The following KNDC1 variants were observed in gnomAD, a reference collection of about 807,000 sequenced individuals.
KNDC1 encodes kinase non-catalytic C-lobe domain-containing protein 1.
Under a neutral mutation model 172.8 loss-of-function variants are expected in KNDC1, and 106 were observed. That is an observed-to-expected ratio of 0.61 (90% confidence interval 0.52 to 0.72). The LOEUF is 0.72. Ranked by LOEUF, KNDC1 falls within the 30% of genes least tolerant of loss-of-function variation. The pLI is 0.00. For synonymous variants in KNDC1, 1,083 were observed against 1,062.2 expected (o/e 1.02, Z -0.38); for missense variants, 2,325 against 2,394.5 (o/e 0.97, Z 0.61).
At position 133,201,585 on chromosome 10, in the gene KNDC1, T is replaced by C. The variant is rs542373698; in HGVS notation, c.3074T>C (p.Leu1025Pro). 2.7e-5 allele frequency: 43 copies of C among 1,613,030 alleles called. No homozygotes were observed. In the South Asian group the frequency reaches 4.0e-4, roughly 15 times the overall value. The part of the protein sequence containing the change: ...TSVSDVDSDA[L>P]SRGNFEVGFR... ...GTGTCGGATGTGGACTCGGACGCAC[T>C]GTCACGGGGAAACTTCGAGGTGGGG... The change falls in exon 17 of 30, where the codon CTG (leucine) becomes CCG (proline). Residue 1025 changes from leucine (L) to proline (P), a missense_variant. By Grantham distance (98) the Leu-to-Pro change is moderately conservative. Transcript: ENST00000304613.
intron 25 of KNDC1, 50 bp downstream of exon 25, chr10:133,213,777 G>A (rs1362380525): frequency 1.9e-6 from 3 of 1,562,964 alleles, no homozygotes; most frequent in Admixed American, 3.4e-5. Context: ...GGTCTCGGGG[G>A]CTTCCCGTAA....
intron 9 of KNDC1, among the ~76,000 whole-genome samples, chr10:133,195,371 G>A (rs114664708): frequency 0.016 from 2,469 of 152,322 alleles, 80 homozygotes; most frequent in African/African-American, 0.056. Flanking sequence ...TGCTGCCTTC[G>A]TGAGGAGAGT....
chr10:133,199,289 C>A, intron 14 of KNDC1, 23 bp downstream of exon 14: 1 of 1,542,462 alleles, frequency 6.5e-7, no homozygotes, highest in African/African-American at 1.4e-5. Flanking sequence ...CGCAGACGCC[C>A]CAGAGGAGGC....
At chr10:133,168,696 G>A (rs963932762) in intron 3 of KNDC1, among the ~76,000 whole-genome samples, 8 of 152,230 alleles carry the variant, frequency 5.3e-5, no homozygotes, top group East Asian at 3.8e-4. Context: ...AGTGATGATC[G>A]GCAGGGAATC....
Position 133,186,001 on chromosome 10 carries a change from G to T in KNDC1, c.653G>T (p.Arg218Ile), listed in dbSNP as rs1853898902. The T allele has an allele frequency of 2.5e-6, 4 of 1,600,774 alleles. No individual in the cohort carries two copies. Among genetic ancestry groups the T allele is most frequent in the Non-Finnish European group, 3.4e-6 (4 of 1,175,440 alleles). ...QDVSESSWRE[R>I]PAPGNAGPRR... ...GTCAGCGAGAGCAGCTGGCGGGAGAGACCTGCCCCAGGAAACGCTGGGCCC... is the reference window on the plus strand; with the variant it reads ...GTCAGCGAGAGCAGCTGGCGGGAGATACCTGCCCCAGGAAACGCTGGGCCC... Residue 218 changes from arginine to isoleucine, a missense_variant, in exon 6 of 30, where the codon AGA (arginine) becomes ATA (isoleucine). Arg to Ile is a moderately conservative substitution (Grantham distance 97, BLOSUM62 -3). Transcript: ENST00000304613.
intron 3 of KNDC1, among the ~76,000 whole-genome samples, chr10:133,171,234 G>GT (rs1380747818): frequency 6.6e-6 from 1 of 152,174 alleles, no homozygotes; most frequent in Non-Finnish European, 1.5e-5. Flanking sequence ...GGAATGTGAT[G>GT]TTTTTTGATT....
At chr10:133,181,858 A>ACACACACACACACACACC (rs1224363924) in intron 3 of KNDC1, among the ~76,000 whole-genome samples, 3 of 148,340 alleles carry the variant, frequency 2.0e-5, no homozygotes, top group Non-Finnish European at 4.5e-5. Context: ...ACACACACAC[A>ACACACACACACACACACC]CACCAGACTG....
intron 29 of KNDC1, among the ~76,000 whole-genome samples, chr10:133,221,847 A>ACG (rs1564903180): frequency 3.4e-4 from 30 of 88,228 alleles, no homozygotes; most frequent in African/African-American, 1.2e-3. Context: ...GGCTGGGTGC[A>ACG]GCCACTCACG....
rs1455818913 is a variant in KNDC1 at position 133,197,277 on chromosome 10, G to A, written c.1812+142G>A. 4 of 672,930 alleles carry A rather than the reference G, an allele frequency of 5.9e-6. No individual in the cohort carries two copies. In the Admixed American group the frequency reaches 8.8e-5, roughly 15 times the overall value. The allele number at this position is 672,930 out of a possible 1,614,324, so 41.7% of individuals were successfully genotyped here. A position where few individuals can be genotyped will look rare whatever the true frequency, so the allele number is the denominator to read the frequency against. Reference sequence around the variant, plus strand: ...CACCGAGCTGTGGGTGGGTGCATCTGGGGGTGCAGGGGGACACTCGAGTCC... The same window carrying A: ...CACCGAGCTGTGGGTGGGTGCATCTAGGGGTGCAGGGGGACACTCGAGTCC... On this transcript the variant is annotated intron_variant, in intron 11 of 29. Transcript: ENST00000304613.
intron 17 of KNDC1, 80 bp downstream of exon 17, chr10:133,201,978 G>C (rs746100480): frequency 7.0e-7 from 1 of 1,435,996 alleles, no homozygotes; most frequent in Non-Finnish European, 9.5e-7. Flanking sequence ...GCAGGTGACA[G>C]ATGGCACCGT....
intron 9 of KNDC1, among the ~76,000 whole-genome samples, chr10:133,195,044 A>T (rs1465098510): frequency 1.3e-5 from 2 of 151,988 alleles, no homozygotes; most frequent in African/African-American, 4.8e-5. Context: ...TGTCAGCAGC[A>T]CTCGTGTATT....
At chr10:133,210,570 G>A (rs762757688) in intron 20 of KNDC1, 41 bp from the exon 21 acceptor site, 53 of 1,233,554 alleles carry the variant, frequency 4.3e-5, no homozygotes, top group Non-Finnish European at 1.4e-5. Context: ...CCTGGGGTGC[G>A]GCCACCCCAC....
chr10:133,208,016 C>T (rs1845251320), intron 20 of KNDC1, among the ~76,000 whole-genome samples: 1 of 152,206 alleles, frequency 6.6e-6, no homozygotes. Context: ...CTGACCAGCT[C>T]CCAGAGAGGC....
intron 20 of KNDC1, among the ~76,000 whole-genome samples, chr10:133,208,496 A>G (rs1206610984): frequency 3.1e-4 from 4 of 13,090 alleles, no homozygotes; most frequent in African/African-American, 1.5e-3. Flanking sequence ...GTGGGCCCCC[A>G]ACCCCGTTAC....
chr10:133,215,908 A>C (rs1320554701), intron 26 of KNDC1, among the ~76,000 whole-genome samples: 2 of 152,178 alleles, frequency 1.3e-5, no homozygotes, highest in African/African-American at 4.8e-5. Context: ...CCGTTAGCAA[A>C]AGGGAGCTGC....
rs12028 is a variant in KNDC1 at position 133,207,331 on chromosome 10, C to T, written c.3774C>T (p.Leu1258=). The T allele has an allele frequency of 3.5e-5, 57 of 1,612,658 alleles. No individual in the cohort carries two copies. Among genetic ancestry groups the T allele is most frequent in the East Asian group, 6.7e-5 (3 of 44,870 alleles). Reference sequence around the variant, plus strand: ...TGCAGGCCGGCACGCCGCTGGGGCTCATGGCCTACCTGTACTCCAGGTGCG... The same window carrying T: ...TGCAGGCCGGCACGCCGCTGGGGCTTATGGCCTACCTGTACTCCAGGTGCG... ...RILQAGTPLG[L]MAYLYSSDAF... Residue 1258 remains leucine (L), a synonymous_variant, in exon 20 of 30, where the codon CTC becomes CTT. Transcript: ENST00000304613.
In KNDC1 at chr10:133,186,288, G is replaced by A. The variant is rs373888851; in HGVS notation, c.940G>A (p.Asp314Asn). ...GCAGACGTTCCCTAGGCTGCTGTCC[G>A]ACAGCCCCGAGGCCACCCTCTGCCT... ...KVQTFPRLLS[D>N]SPEATLCLPL... Residue 314 changes from aspartate to asparagine, a missense_variant, in exon 6 of 30, where the codon GAC (aspartate) becomes AAC (asparagine). Physicochemically the swap from Asp to Asn is conservative, Grantham distance 23. Coordinates refer to ENST00000304613, the MANE Select transcript of KNDC1 (RefSeq NM_152643.8). The A allele has an allele frequency of 2.7e-5, 43 of 1,610,692 alleles. No homozygotes were observed. The highest frequency in any genetic ancestry group is 3.3e-5 in the South Asian group (3 of 90,772).
intron 26 of KNDC1, among the ~76,000 whole-genome samples, chr10:133,217,272 T>C (rs1379183035): frequency 6.6e-6 from 1 of 152,274 alleles, no homozygotes; most frequent in Non-Finnish European, 1.5e-5. Context: ...CTTAAACCGA[T>C]GAAGAAACAG....
At chr10:133,211,606 G>T (rs1165842588) in intron 22 of KNDC1, 37 bp downstream of exon 22, 1 of 1,603,534 alleles carries the variant, frequency 6.2e-7, no homozygotes, top group Non-Finnish European at 8.5e-7. Flanking sequence ...CGCACCCGGG[G>T]CTCCCACAGT....
Sources: allele counts gnomAD v4.1 joint callset (sites outside exome capture counted in the v4.1 genomes callset), GRCh38; gene constraint gnomAD v4.1.1; transcripts MANE v1.5; gene names NCBI Gene and HGNC (gene_info 2026-07-23, HGNC 2026-07-21).